MPPED1: variants seen among roughly 807,000 people sequenced by gnomAD.
MPPED1 encodes metallophosphoesterase domain-containing protein 1.
In MPPED1, 16 loss-of-function variants were observed where a neutral mutation model predicts 36.2. That is an observed-to-expected ratio of 0.44 (90% CI 0.30 to 0.67). MPPED1 has a LOEUF of 0.67. Ranked by LOEUF, MPPED1 falls within the 30% of genes least tolerant of loss-of-function variation. The pLI is 0.10. For missense variants in MPPED1, 307 were observed against 453.4 expected, an observed-to-expected ratio of 0.68 and a Z score of 2.93; for synonymous variants, 199 against 191.3, an observed-to-expected ratio of 1.04 and a Z score of -0.33.
At chr22:43,447,879 ATATAT>A (rs1160245421) in intron 3 of MPPED1, among the ~76,000 whole-genome samples, 4 of 33,588 alleles carry the variant, frequency 1.2e-4, no homozygotes, top group African/African-American at 1.8e-4. Context: ...ATATATATAT[ATATAT>A]TTTTTTTTTT....
At chr22:43,500,194 AGG>A (rs1932641881) in intron 5 of MPPED1, among the ~76,000 whole-genome samples, 1 of 14,164 alleles carries the variant, frequency 7.1e-5, no homozygotes, top group African/African-American at 6.8e-4. Context: ...ATGGTGATGG[AGG>A]TGGTAATGGA....
rs1041735027 is a variant in MPPED1 at position 43,493,878 on chromosome 22, A to G, written c.633-4357A>G. 6.6e-5 allele frequency among the ~76,000 whole-genome samples: 10 copies of G among 152,172 alleles called. No homozygotes were observed. In the East Asian group the frequency reaches 1.9e-3, roughly 29 times the overall value. ...GTGATGTGGGGATGGCAATTGCATT[A>G]CTATGTAGGGCTGTGTAACTGAGGA... On this transcript the variant is annotated intron_variant, in intron 4 of 6. Coordinates refer to ENST00000443721, the MANE Select transcript of MPPED1 (RefSeq NM_001044370.2).
intron 3 of MPPED1, among the ~76,000 whole-genome samples, chr22:43,455,156 C>G (rs1277428862): frequency 7.3e-6 from 1 of 137,316 alleles, no homozygotes; most frequent in Non-Finnish European, 1.5e-5. Flanking sequence ...GTCACCCAGA[C>G]TGGAGTGCAG....
chr22:43,475,259 A>T (rs1931507680), intron 4 of MPPED1, among the ~76,000 whole-genome samples: 2 of 152,124 alleles, frequency 1.3e-5, no homozygotes. Flanking sequence ...ACTGAGGCCC[A>T]CAGTGGGTGA....
rs1419569773 is a variant in MPPED1 at position 43,444,364 on chromosome 22, C to A, written c.406+9149C>A. ...GTGGTGTTTTTTTCTTTCTATCTAT[C>A]TTTTTTTTTTTTTTTTTTTTGAGAT... On this transcript the variant is annotated intron_variant, in intron 3 of 6. Coordinates refer to ENST00000443721, the MANE Select transcript of MPPED1 (RefSeq NM_001044370.2). Among the ~76,000 whole-genome samples the A allele has an allele frequency of 6.2e-4, 55 of 89,352 alleles. 1 individual carries two copies. The highest frequency in any genetic ancestry group is 6.9e-3 in the Middle Eastern group (1 of 144). The allele number at this position is 89,352 out of a possible 152,430, so 58.6% of individuals were successfully genotyped here.
At chr22:43,459,985 G>A (rs944494870) in intron 3 of MPPED1, among the ~76,000 whole-genome samples, 1 of 152,074 alleles carries the variant, frequency 6.6e-6, no homozygotes, top group Non-Finnish European at 1.5e-5. Context: ...AAGGCGAGTG[G>A]ATCACGAGGT....
chr22:43,460,481 C>T (rs573902340), intron 3 of MPPED1, among the ~76,000 whole-genome samples: 1 of 151,934 alleles, frequency 6.6e-6, no homozygotes, highest in South Asian at 2.1e-4. Flanking sequence ...CAGGCGAGCA[C>T]CAACACACTT....
rs758008835 is a variant in MPPED1 at position 43,435,828 on chromosome 22, G to T, written c.406+613G>T. ...GCCCAGATCACTCCACTGCACTCCA[G>T]CCTGGGCAACAGAGTGAGACTCTGT... On this transcript the variant is annotated intron_variant, in intron 3 of 6. Coordinates refer to ENST00000443721, the MANE Select transcript of MPPED1 (RefSeq NM_001044370.2). Among the ~76,000 whole-genome samples, 2 of 152,342 alleles carry T rather than the reference G, an allele frequency of 1.3e-5. 1 individual carries two copies. The highest frequency in any genetic ancestry group is 6.8e-3 in the Middle Eastern group (2 of 294).
intron 4 of MPPED1, among the ~76,000 whole-genome samples, chr22:43,481,909 C>G (rs1364548163): frequency 6.6e-6 from 1 of 152,196 alleles, no homozygotes; most frequent in Non-Finnish European, 1.5e-5. Context: ...CCAAGCCTTT[C>G]AGTCTGTTCA....
At chr22:43,447,715 G>T (rs1020193084) in intron 3 of MPPED1, among the ~76,000 whole-genome samples, 1 of 150,840 alleles carries the variant, frequency 6.6e-6, no homozygotes, top group South Asian at 2.1e-4. Context: ...CATAGGTCTC[G>T]GGAGGGCATG....
At chr22:43,415,225 C>CAAAAAAAAAA (rs34357060) in intron 1 of MPPED1, among the ~76,000 whole-genome samples, 48 of 49,382 alleles carry the variant, frequency 9.7e-4, no homozygotes, top group East Asian at 5.1e-3. Context: ...ATGTCAAAAG[C>CAAAAAAAAAA]AAAAAAAAAA....
At chr22:43,461,817 G>T (rs1039585758) in intron 3 of MPPED1, among the ~76,000 whole-genome samples, 1 of 152,098 alleles carries the variant, frequency 6.6e-6, no homozygotes. Context: ...CCGCTTCTTC[G>T]CTGATCAGTT....
chr22:43,504,656 C>T (rs1932775325), intron 6 of MPPED1, among the ~76,000 whole-genome samples: 1 of 148,570 alleles, frequency 6.7e-6, no homozygotes. Context: ...ATGGCGATGA[C>T]AATGATAAAG....
chr22:43,492,774 C>T (rs930057743), intron 4 of MPPED1, among the ~76,000 whole-genome samples: 2 of 152,120 alleles, frequency 1.3e-5, no homozygotes, highest in African/African-American at 4.8e-5. Context: ...AGCCCTCTTC[C>T]TCAAGGCCCA....
chr22:43,482,340 G>A (rs1257431885), intron 4 of MPPED1, among the ~76,000 whole-genome samples: 2 of 152,120 alleles, frequency 1.3e-5, no homozygotes, highest in South Asian at 2.1e-4. Context: ...AGTGGCTGCC[G>A]GGCCCGTTGC....
intron 1 of MPPED1, among the ~76,000 whole-genome samples, chr22:43,412,668 C>CCCATCCAT (rs59354174): frequency 0.53 from 79,739 of 149,086 alleles, 21,828 homozygotes; most frequent in Admixed American, 0.68. Context: ...ATCCCTCCCT[C>CCCATCCAT]CCATCCATCC....
chr22:43,505,656 T>A lies in MPPED1; in HGVS notation c.*40T>A, dbSNP rs1404834802. ...CCCTGCCCTGCCCGCCCGTGTCAGC[T>A]CCACAGGCCTGGCCCGGCCACTGTT... On this transcript the variant is annotated 3_prime_UTR_variant, in exon 7 of 7. Coordinates refer to ENST00000443721, the MANE Select transcript of MPPED1 (RefSeq NM_001044370.2). 6.5e-7 allele frequency: 1 copy of A among 1,536,638 alleles called. No individual in the cohort carries two copies. The highest frequency in any genetic ancestry group is 1.4e-5 in the African/African-American group (1 of 72,984).
intron 6 of MPPED1, among the ~76,000 whole-genome samples, chr22:43,503,465 A>T (rs1031349137): frequency 6.6e-6 from 1 of 152,098 alleles, no homozygotes; most frequent in African/African-American, 2.4e-5. Context: ...TCCCCCAGAG[A>T]CATCTCCTGG....
At chr22:43,421,091 G>A (rs1387154796) in intron 1 of MPPED1, among the ~76,000 whole-genome samples, 2 of 152,208 alleles carry the variant, frequency 1.3e-5, no homozygotes, top group Admixed American at 6.5e-5. Flanking sequence ...GTCTCCCTGC[G>A]GCGGGTCCCG....
Sources: gnomAD v4.1 joint callset for allele counts (sites outside exome capture counted in the v4.1 genomes callset) on GRCh38, gnomAD v4.1.1 for gene constraint, MANE v1.5 for transcripts, NCBI Gene and HGNC (gene_info 2026-07-23, HGNC 2026-07-21) for gene names.